The following PDE10A variants were observed in gnomAD, a reference collection of about 807,000 sequenced individuals.
The protein encoded by PDE10A is phosphodiesterase 10A.
A neutral mutation model predicts 97.7 loss-of-function variants in PDE10A; 39 were observed. That is an observed-to-expected ratio of 0.40 (90% confidence interval 0.31 to 0.52). PDE10A has a LOEUF of 0.52. PDE10A is among the 20% of genes least tolerant of loss of function. PDE10A has a pLI of 0.56. For synonymous variants in PDE10A, 371 were observed against 376.8 expected, an observed-to-expected ratio of 0.98 and a Z score of 0.18; for missense variants, 731 against 1,047.8, an observed-to-expected ratio of 0.70 and a Z score of 4.17.
At chr6:165,770,163 CAAAA>C (rs11442419) in intron 1 of PDE10A, among the ~76,000 whole-genome samples, 1 of 127,904 alleles carries the variant, frequency 7.8e-6, no homozygotes, top group African/African-American at 3.0e-5. Context: ...TGCAAAAGGG[CAAAA>C]AAAAAAAAAA....
intron 1 of PDE10A, among the ~76,000 whole-genome samples, chr6:165,794,116 T>TACACAC (rs34393465): frequency 6.6e-6 from 1 of 150,532 alleles, no homozygotes; most frequent in Non-Finnish European, 1.5e-5. Flanking sequence ...TACGCAGGCA[T>TACACAC]ACACACACAC....
At chr6:165,679,125 A>G (rs983489445) in intron 1 of PDE10A, among the ~76,000 whole-genome samples, 7 of 152,226 alleles carry the variant, frequency 4.6e-5, no homozygotes, top group African/African-American at 1.7e-4. Context: ...TGTTCAGGAT[A>G]AGGGGTGCCC....
chr6:165,931,783 C>A (rs1043943996), intron 1 of PDE10A, among the ~76,000 whole-genome samples: 4 of 152,132 alleles, frequency 2.6e-5, no homozygotes, highest in East Asian at 3.9e-4. Context: ...GGGCTGTCTC[C>A]CGACAGTCAC....
At chr6:165,584,433 C>T (rs571419946) in intron 1 of PDE10A, among the ~76,000 whole-genome samples, 13 of 152,248 alleles carry the variant, frequency 8.5e-5, no homozygotes, top group East Asian at 7.7e-4. Flanking sequence ...CCCATAAAGA[C>T]GCAGGAGCCT....
intron 1 of PDE10A, among the ~76,000 whole-genome samples, chr6:165,681,309 A>G (rs1229000288): frequency 6.6e-6 from 1 of 152,234 alleles, no homozygotes; most frequent in Non-Finnish European, 1.5e-5. Context: ...TCGTATGGCT[A>G]TAGAAAAACA....
At chr6:165,931,466 C>G (rs1783131838) in intron 1 of PDE10A, among the ~76,000 whole-genome samples, 1 of 152,240 alleles carries the variant, frequency 6.6e-6, no homozygotes, top group South Asian at 2.1e-4. Flanking sequence ...GTCCTATACT[C>G]ACACTTCATT....
intron 1 of PDE10A, among the ~76,000 whole-genome samples, chr6:165,926,995 T>C (rs1782954686): frequency 6.6e-6 from 1 of 151,106 alleles, no homozygotes; most frequent in Admixed American, 6.6e-5. Context: ...AAGCACATGC[T>C]ATGTTCTCAC....
At chr6:165,576,198 T>A (rs1785295764) in intron 1 of PDE10A, among the ~76,000 whole-genome samples, 1 of 152,220 alleles carries the variant, frequency 6.6e-6, no homozygotes. Flanking sequence ...TGTAAACTTT[T>A]CGGTGCAATG....
At chr6:165,666,898 A>G (rs1306744694), upstream of PDE10A, among the ~76,000 whole-genome samples, 1 of 152,230 alleles carries the variant, frequency 6.6e-6, no homozygotes, top group Non-Finnish European at 1.5e-5. Flanking sequence ...AACTATTCAT[A>G]GCCTTTAATG....
chr6:165,668,430 A>G (rs1197852591), intron 1 of PDE10A, among the ~76,000 whole-genome samples: 1 of 152,206 alleles, frequency 6.6e-6, no homozygotes, highest in Non-Finnish European at 1.5e-5. Context: ...TGTATTGTTC[A>G]TGTTGCTTGA....
chr6:165,924,513 T>C (rs1444230959), intron 1 of PDE10A, among the ~76,000 whole-genome samples: 1 of 152,172 alleles, frequency 6.6e-6, no homozygotes, highest in Admixed American at 6.5e-5. Context: ...CCATGTTGCA[T>C]AGAAGATCTC....
At chr6:165,698,782 A>G (rs969301661) in intron 1 of PDE10A, among the ~76,000 whole-genome samples, 1 of 152,218 alleles carries the variant, frequency 6.6e-6, no homozygotes, top group Admixed American at 6.5e-5. Flanking sequence ...TGGAGGTTGC[A>G]GTGAGCTGAG....
At chr6:165,340,913 G>C (rs1014004177) in intron 19 of PDE10A, among the ~76,000 whole-genome samples, 1 of 152,174 alleles carries the variant, frequency 6.6e-6, no homozygotes, top group African/African-American at 2.4e-5. Context: ...GATGGAATCC[G>C]AATTATTATC....
chr6:165,340,115 AG>A (rs1469705062), intron 19 of PDE10A, among the ~76,000 whole-genome samples: 1 of 152,236 alleles, frequency 6.6e-6, no homozygotes, highest in Non-Finnish European at 1.5e-5. Context: ...CCCTGAGCTA[AG>A]TAATTTGTAA....
At chr6:165,880,328 G>A (rs1347413335) in intron 1 of PDE10A, among the ~76,000 whole-genome samples, 1 of 152,156 alleles carries the variant, frequency 6.6e-6, no homozygotes, top group Non-Finnish European at 1.5e-5. Context: ...GTATAAATTT[G>A]CCCTGTTCAA....
intron 3 of PDE10A, among the ~76,000 whole-genome samples, chr6:165,450,691 G>A (rs1241345823): frequency 1.3e-5 from 2 of 151,970 alleles, no homozygotes; most frequent in Non-Finnish European, 2.9e-5. Flanking sequence ...AAGCAGCTGA[G>A]ACTACAGGCA....
intron 2 of PDE10A, among the ~76,000 whole-genome samples, chr6:165,513,311 A>C (rs1180581644): frequency 2.0e-5 from 3 of 152,048 alleles, no homozygotes; most frequent in Admixed American, 2.0e-4. Context: ...TCCAAAAATC[A>C]GTTGTTTTGG....
intron 1 of PDE10A, among the ~76,000 whole-genome samples, chr6:165,873,821 G>A (rs1266071404): frequency 1.3e-5 from 2 of 152,118 alleles, no homozygotes; most frequent in African/African-American, 2.4e-5. Context: ...GAAGGAAAAT[G>A]TAAAAATATC....
intron 1 of PDE10A, among the ~76,000 whole-genome samples, chr6:165,837,757 C>T (rs1780106430): frequency 1.3e-5 from 2 of 149,374 alleles, no homozygotes; most frequent in Admixed American, 1.4e-4. Flanking sequence ...ACAATCTCGG[C>T]TCACTGCAAG....
Sources: gnomAD v4.1 joint callset for allele counts (sites outside exome capture counted in the v4.1 genomes callset) on GRCh38, gnomAD v4.1.1 for gene constraint, MANE v1.5 for transcripts, NCBI Gene and HGNC (gene_info 2026-07-23, HGNC 2026-07-21) for gene names.